MPP1: variants seen among roughly 807,000 people sequenced by gnomAD.
MPP1 encodes the protein MAGUK p55 scaffold protein 1, also known as 55 kDa erythrocyte membrane protein.
Under a neutral mutation model 38.2 loss-of-function variants are expected in MPP1, and 6 were observed. That is an observed-to-expected ratio of 0.16 (90% CI 0.09 to 0.31). The LOEUF (loss-of-function observed/expected upper bound fraction) is 0.31, where lower values mean the gene tolerates loss of function less well. MPP1 is among the 10% of genes least tolerant of loss of function. MPP1 has a pLI of 1.00. For synonymous variants in MPP1, 153 were observed against 146.3 expected, an observed-to-expected ratio of 1.05 and a Z score of -0.33; for missense variants, 293 against 368.9, an observed-to-expected ratio of 0.79 and a Z score of 1.69.
chrX:154,796,280 G>A (rs2072197170), intron 1 of MPP1, among the ~76,000 whole-genome samples: 1 of 110,425 alleles, frequency 9.1e-6, no homozygotes, highest in Non-Finnish European at 1.9e-5. Context: ...ACAGGCAAGC[G>A]CCACCACACC....
At chrX:154,788,566 A>G (rs782337796) in intron 5 of MPP1, among the ~76,000 whole-genome samples, 6 of 112,057 alleles carry the variant, frequency 5.4e-5, no homozygotes, top group Non-Finnish European at 1.1e-4. Context: ...GGGATGTAAC[A>G]TGGTTCACCA....
intron 6 of MPP1, among the ~76,000 whole-genome samples, chrX:154,785,916 G>A (rs2072066524): frequency 8.9e-6 from 1 of 112,295 alleles, no homozygotes; most frequent in South Asian, 3.7e-4. Flanking sequence ...AGGAGACCAG[G>A]GAGGGCTCAG....
Position 154,789,947 on chromosome X carries a change from C to T in MPP1, c.480+7G>A, listed in dbSNP as rs2148531519. On this transcript the variant is annotated splice_region_variant and intron_variant, in intron 5 of 11. Coordinates refer to ENST00000369534, the MANE Select transcript of MPP1 (RefSeq NM_002436.4). The stretch of plus-strand genomic sequence containing the variant: ...ATCATGACAACAGAGAAAATGGTGC[C>T]ACCCACCTGTAGTGCAGGAAGACGG... 3.4e-6 allele frequency: 4 copies of T among 1,182,551 alleles called. No individual in the cohort carries two copies. Among genetic ancestry groups the T allele is most frequent in the Non-Finnish European group, 3.4e-6 (3 of 871,726 alleles).
chrX:154,802,552 G>A (rs1188276396), intron 1 of MPP1, among the ~76,000 whole-genome samples: 2 of 111,464 alleles, frequency 1.8e-5, no homozygotes, highest in Non-Finnish European at 3.8e-5. Flanking sequence ...AAACAGGCCC[G>A]AAGAGAAAAG....
rs782790925 is a variant in MPP1 at position 154,789,729 on chromosome X, T to C, written c.480+225A>G. 1.5e-4 allele frequency among the ~76,000 whole-genome samples: 17 copies of C among 111,266 alleles called. No homozygotes were observed. The South Asian group carries it at 2.3e-3, about 15-fold the overall frequency. ...ACTAGCAGCAAAGGCTCATTCATTCTCTACTCCTGTCGTCACTATGTTCTC... is the reference window on the plus strand; with the variant it reads ...ACTAGCAGCAAAGGCTCATTCATTCCCTACTCCTGTCGTCACTATGTTCTC... On this transcript the variant is annotated intron_variant, in intron 5 of 11. Coordinates refer to ENST00000369534, the MANE Select transcript of MPP1 (RefSeq NM_002436.4).
intron 1 of MPP1, among the ~76,000 whole-genome samples, chrX:154,804,474 G>A (rs1432882641): frequency 9.0e-6 from 1 of 111,226 alleles, no homozygotes; most frequent in Non-Finnish European, 1.9e-5. Flanking sequence ...CCAGCATGCT[G>A]TGAGGAAGAC....
intron 1 of MPP1, among the ~76,000 whole-genome samples, chrX:154,796,607 G>A (rs2072201242): frequency 8.9e-6 from 1 of 112,297 alleles, no homozygotes; most frequent in African/African-American, 3.2e-5. Context: ...TAAGTGAGAA[G>A]TGGGATGTTG....
chrX:154,784,465 T>C (rs2072045603), intron 7 of MPP1, among the ~76,000 whole-genome samples: 1 of 110,970 alleles, frequency 9.0e-6, no homozygotes, highest in Non-Finnish European at 1.9e-5. Context: ...TCTGCCTGAA[T>C]GTCCCTTATC....
At chrX:154,780,442 C>T (rs1304841510) in intron 11 of MPP1, among the ~76,000 whole-genome samples, 1 of 112,538 alleles carries the variant, frequency 8.9e-6, no homozygotes, top group Non-Finnish European at 1.9e-5. Flanking sequence ...TGAAAAAGTA[C>T]CTGATCATCT....
In MPP1 at chrX:154,791,827, A is replaced by T. The variant is rs1557267772; in HGVS notation, c.267T>A (p.Asn89Lys). 2 of 1,208,013 alleles carry T rather than the reference A, an allele frequency of 1.7e-6. No homozygotes were observed. Among genetic ancestry groups the T allele is most frequent in the African/African-American group, 3.5e-5 (2 of 57,133 alleles). Residue 89 changes from asparagine to lysine, a missense_variant, in exon 3 of 12, where the codon AAT becomes AAA. Asn to Lys is a moderately conservative substitution (Grantham distance 94). Transcript: ENST00000369534. ...EEPMGITLKL[N>K]EKQSCTVARI... ...TGGCCACCGTACAGGACTGTTTTTC[A>T]TTCAGCTTCAGCGTGATTCCCTGAA...
chrX:154,799,647 T>C, intron 1 of MPP1: 1 of 970,289 alleles, frequency 1.0e-6, no homozygotes, highest in Non-Finnish European at 1.4e-6. Context: ...CACAGAGCTA[T>C]GGCAGGCCTG....
rs2071959781 is a variant in MPP1, at chrX:154,779,299, C to T, written c.1279G>A (p.Ala427Thr). The change falls in exon 12 of 12, where the codon GCT (alanine) becomes ACT (threonine). Residue 427 changes from alanine (A) to threonine (T), a missense_variant. Transcript: ENST00000369534. ...ACCAGTGAGAGGTCAAAGTAGTGAG[C>T]GTACTGGCTGCGGATGGCCTCAGAG... Reference protein sequence around the residue: ...KDSEAIRSQYAHYFDLSLVNN... With the variant: ...KDSEAIRSQYTHYFDLSLVNN... 6 of 1,211,349 alleles carry T rather than the reference C, an allele frequency of 5.0e-6. No individual in the cohort carries two copies. The highest frequency in any genetic ancestry group is 5.6e-6 in the Non-Finnish European group (5 of 895,244).
chrX:154,781,846 C>T, intron 9 of MPP1, 44 bp from the exon 10 acceptor site: 1 of 1,150,456 alleles, frequency 8.7e-7, no homozygotes, highest in Non-Finnish European at 1.2e-6. Context: ...CAGGTCCTCA[C>T]CCTTTCATGA....
At position 154,792,228 on chromosome X, in the gene MPP1, C is replaced by T; in HGVS notation, c.160G>A (p.Ala54Thr). Reference sequence around the variant, plus strand: ...TTGACCTGGGCAGGGCTACCTGGGGCAGGAGACCCGTTGGTGTACATGTCC... The same window carrying T: ...TTGACCTGGGCAGGGCTACCTGGGGTAGGAGACCCGTTGGTGTACATGTCC... ...TEDMYTNGSP[A>T]PGSPAQVKGQ... Residue 54 changes from alanine to threonine, a missense_variant, in exon 2 of 12, where the codon GCC (alanine) becomes ACC (threonine). Coordinates refer to ENST00000369534, the MANE Select transcript of MPP1 (RefSeq NM_002436.4). The T allele has an allele frequency of 8.3e-7, 1 of 1,211,879 alleles. No homozygotes were observed. Among genetic ancestry groups the T allele is most frequent in the Non-Finnish European group, 1.1e-6 (1 of 895,478 alleles).
At chrX:154,793,589 G>A (rs1390877077) in intron 1 of MPP1, among the ~76,000 whole-genome samples, 1 of 111,893 alleles carries the variant, frequency 8.9e-6, no homozygotes, top group Non-Finnish European at 1.9e-5. Context: ...TAGGAGGTGT[G>A]GCTATATGGG....
chrX:154,804,326 T>C (rs1188371234), intron 1 of MPP1, among the ~76,000 whole-genome samples: 2 of 111,989 alleles, frequency 1.8e-5, no homozygotes, highest in African/African-American at 6.5e-5. Context: ...GACCCACTTA[T>C]TGGGCACTTA....
chrX:154,794,523 C>A (rs1185195235), intron 1 of MPP1, among the ~76,000 whole-genome samples: 1 of 111,574 alleles, frequency 9.0e-6, no homozygotes, highest in Non-Finnish European at 1.9e-5. Flanking sequence ...GAAGGGTCTG[C>A]TGAAAATAGG....
At chrX:154,793,219 C>T (rs1027463761) in intron 1 of MPP1, among the ~76,000 whole-genome samples, 45 of 112,088 alleles carry the variant, frequency 4.0e-4, no homozygotes, top group African/African-American at 1.4e-3. Flanking sequence ...ATTTAGTAGA[C>T]GAGACACGGA....
At chrX:154,782,147 A>G (rs2072015653) in intron 9 of MPP1, 1 of 192,877 alleles carries the variant, frequency 5.2e-6, no homozygotes, top group Admixed American at 7.0e-5. Context: ...ACAGATCTAC[A>G]GACTATGGTC....
Sources: gnomAD v4.1 joint callset for allele counts (sites outside exome capture counted in the v4.1 genomes callset) on GRCh38, gnomAD v4.1.1 for gene constraint, MANE v1.5 for transcripts, NCBI Gene and HGNC (gene_info 2026-07-23, HGNC 2026-07-21) for gene names.